Variants in AGBL1 observed in about 807,000 individuals in gnomAD.
AGBL1 encodes AGBL carboxypeptidase 1, also known as cytosolic carboxypeptidase 4.
In AGBL1, 130 loss-of-function variants were observed where a neutral mutation model predicts 118.9. The ratio of observed to expected loss-of-function variants is 1.09; its 90% CI spans 0.95 to 1.26. The LOEUF is 1.26. Among genes scored for constraint, AGBL1 ranks in the 50% most tolerant of loss-of-function variants. The pLI is 0.00. For missense variants in AGBL1, 1,584 were observed against 1,298.1 expected (o/e 1.22, Z -3.38); for synonymous variants, 555 against 478.9 (o/e 1.16, Z -2.08).
chr15:86,554,412 T>C lies in AGBL1; in HGVS notation c.2869T>C (p.Cys957Arg). 2 of 1,588,358 alleles carry C rather than the reference T, an allele frequency of 1.3e-6. No homozygotes were observed. The highest frequency in any genetic ancestry group is 2.3e-5 in the South Asian group (2 of 86,772). The part of the protein sequence containing the change: ...KLAPAFTMSS[C>R]SFLVEKSRAS... Reference sequence around the variant, plus strand: ...AGCACCAGCATTCACAATGAGCAGCTGCAGCTTTCTCGTGGAGAAATCTCG... The same window carrying C: ...AGCACCAGCATTCACAATGAGCAGCCGCAGCTTTCTCGTGGAGAAATCTCG... The change falls in exon 21 of 23, where the codon TGC becomes CGC. Residue 957 changes from cysteine (C) to arginine (R), a missense_variant. Physicochemically the swap from Cys to Arg is radical, Grantham distance 180 (BLOSUM62 -3). Transcript: ENST00000614907.
intron 22 of AGBL1, among the ~76,000 whole-genome samples, chr15:86,896,545 A>G (rs2141570283): frequency 6.6e-6 from 1 of 152,160 alleles, no homozygotes; most frequent in East Asian, 1.9e-4. Flanking sequence ...TATTTTGTCA[A>G]CATTTTCCCC....
At chr15:86,817,261 T>A (rs2078871641) in intron 22 of AGBL1, among the ~76,000 whole-genome samples, 1 of 142,350 alleles carries the variant, frequency 7.0e-6, no homozygotes, top group Non-Finnish European at 1.5e-5. Context: ...GATTGTACTC[T>A]AGCCTGGGAT....
At chr15:86,672,028 C>A (rs571738410) in intron 21 of AGBL1, among the ~76,000 whole-genome samples, 1 of 152,194 alleles carries the variant, frequency 6.6e-6, no homozygotes, top group African/African-American at 2.4e-5. Flanking sequence ...GCTGTGATAG[C>A]GCCACTGTAC....
In AGBL1 at chr15:86,389,216, C is replaced by T. The variant is rs568843908; in HGVS notation, c.2375-8150C>T. Among the ~76,000 whole-genome samples the T allele has an allele frequency of 5.3e-5, 8 of 151,962 alleles. No individual in the cohort carries two copies. The East Asian group carries it at 9.7e-4, about 18-fold the overall frequency. ...TGGAAATTTCGATAAAAGTTTTTTT[C>T]CTTGTCTTGGAAAACATGTAGAAAG... On this transcript the variant is annotated intron_variant, in intron 17 of 22. Coordinates refer to ENST00000614907, the MANE Select transcript of AGBL1 (RefSeq NM_001386094.1).
At chr15:86,401,858 AG>A (rs2081450625) in intron 18 of AGBL1, among the ~76,000 whole-genome samples, 1 of 152,156 alleles carries the variant, frequency 6.6e-6, no homozygotes, top group African/African-American at 2.4e-5. Context: ...ATAGCCTTGT[AG>A]TACAATTGAA....
chr15:86,988,125 G>A lies in AGBL1; in HGVS notation c.3323+37G>A, dbSNP rs183173001. ...AGTTTCCTGATTGTACATTGCTTGG[G>A]GCGGGGATTGCTGGATGAAATACCC... On this transcript the variant is annotated intron_variant, in intron 24 of 24. Coordinates refer to the AGBL1 transcript ENST00000441037. 3.7e-6 allele frequency: 6 copies of A among 1,602,998 alleles called. No individual in the cohort carries two copies. In the South Asian group the frequency reaches 5.6e-5, roughly 15 times the overall value.
intron 16 of AGBL1, among the ~76,000 whole-genome samples, chr15:86,290,999 A>G (rs1037700440): frequency 1.3e-5 from 2 of 152,124 alleles, no homozygotes; most frequent in Non-Finnish European, 2.9e-5. Context: ...TTTCATCCAT[A>G]TCCCTACAAA....
intron 17 of AGBL1, among the ~76,000 whole-genome samples, chr15:86,319,213 G>C (rs1163468847): frequency 6.6e-6 from 1 of 152,116 alleles, no homozygotes; most frequent in Admixed American, 6.5e-5. Context: ...ATAGTATCTA[G>C]GAGCAGGCAG....
chr15:86,840,984 A>G (rs2079237067), intron 22 of AGBL1, among the ~76,000 whole-genome samples: 1 of 152,240 alleles, frequency 6.6e-6, no homozygotes, highest in Non-Finnish European at 1.5e-5. Context: ...AAAAAAAGTT[A>G]TCTATGAAAA....
chr15:86,357,333 T>G (rs1382698864), intron 17 of AGBL1, among the ~76,000 whole-genome samples: 1 of 152,202 alleles, frequency 6.6e-6, no homozygotes, highest in Non-Finnish European at 1.5e-5. Flanking sequence ...CTGAGGTAAT[T>G]AAGTCAAAAC....
intron 17 of AGBL1, among the ~76,000 whole-genome samples, chr15:86,316,052 C>G (rs1176477982): frequency 6.6e-6 from 1 of 152,152 alleles, no homozygotes; most frequent in Non-Finnish European, 1.5e-5. Context: ...TCAAATGAAT[C>G]CAAATGTATC....
intron 18 of AGBL1, among the ~76,000 whole-genome samples, chr15:86,418,718 C>T (rs1218111551): frequency 3.3e-5 from 5 of 152,148 alleles, no homozygotes; most frequent in African/African-American, 1.2e-4. Flanking sequence ...GACCCCAGCT[C>T]CTGACTTAGG....
At chr15:86,815,197 T>G (rs1254048603) in intron 22 of AGBL1, among the ~76,000 whole-genome samples, 1 of 152,226 alleles carries the variant, frequency 6.6e-6, no homozygotes, top group Non-Finnish European at 1.5e-5. Flanking sequence ...AAGTACTTTG[T>G]GCTCAGCAGA....
In AGBL1 at chr15:86,522,863, G is replaced by A. The variant is rs201523870; in HGVS notation, c.2609G>A (p.Ser870Asn). 1.3e-4 allele frequency: 212 copies of A among 1,613,798 alleles called. 1 individual carries two copies. Among genetic ancestry groups the A allele is most frequent in the Admixed American group, 1.3e-4 (8 of 59,996 alleles). The change falls in exon 19 of 23, where the codon AGT (serine) becomes AAT (asparagine). Residue 870 changes from serine (S) to asparagine (N), a missense_variant. Coordinates refer to ENST00000614907, the MANE Select transcript of AGBL1 (RefSeq NM_001386094.1). ...TTGAACAGACAATGGCTTTCTCCCAGTGCTCATCTGCAGCCAACCATTTAC... is the reference window on the plus strand; with the variant it reads ...TTGAACAGACAATGGCTTTCTCCCAATGCTCATCTGCAGCCAACCATTTAC... Reference protein sequence around the residue: ...EDLNRQWLSPSAHLQPTIYHA... With the variant: ...EDLNRQWLSPNAHLQPTIYHA...
chr15:86,553,986 G>T (rs2083697471), intron 20 of AGBL1, among the ~76,000 whole-genome samples: 1 of 151,932 alleles, frequency 6.6e-6, no homozygotes, highest in Non-Finnish European at 1.5e-5. Context: ...TCAGCCTCCT[G>T]AGTAGCTGGG....
chr15:86,780,855 A>G (rs1422250640), intron 22 of AGBL1, among the ~76,000 whole-genome samples: 1 of 151,930 alleles, frequency 6.6e-6, no homozygotes, highest in Non-Finnish European at 1.5e-5. Context: ...TTTAGTAGAG[A>G]CGTGGTTTCA....
intron 17 of AGBL1, among the ~76,000 whole-genome samples, chr15:86,298,880 G>T (rs1209809804): frequency 6.6e-6 from 1 of 152,176 alleles, no homozygotes; most frequent in African/African-American, 2.4e-5. Context: ...TGATGATCTG[G>T]TCTAAAGTCC....
chr15:86,828,475 G>A (rs2079062079), intron 22 of AGBL1, among the ~76,000 whole-genome samples: 1 of 152,052 alleles, frequency 6.6e-6, no homozygotes, highest in Non-Finnish European at 1.5e-5. Context: ...GGATTAGAAG[G>A]GCCAGAGTCA....
intron 19 of AGBL1, among the ~76,000 whole-genome samples, chr15:86,543,125 G>A (rs1314791593): frequency 1.3e-5 from 2 of 151,954 alleles, no homozygotes; most frequent in African/African-American, 4.8e-5. Context: ...TATTCATTGA[G>A]CATTTTTATG....
Sources: allele counts gnomAD v4.1 joint callset (sites outside exome capture counted in the v4.1 genomes callset), GRCh38; gene constraint gnomAD v4.1.1; transcripts MANE v1.5; gene names NCBI Gene and HGNC (gene_info 2026-07-23, HGNC 2026-07-21).